The following TMEM74 variants were observed in gnomAD, a reference collection of about 807,000 sequenced individuals.
TMEM74 encodes transmembrane protein 74.
In TMEM74, 13 loss-of-function variants were observed where a neutral mutation model predicts 18.1. The observed-to-expected ratio is 0.72, with a 90% confidence interval of 0.47 to 1.14. The LOEUF (loss-of-function observed/expected upper bound fraction) is 1.14. Ranked by LOEUF, TMEM74 falls within the 50% of genes most tolerant of loss-of-function variation. The pLI, the probability that TMEM74 is intolerant of heterozygous loss-of-function variation, is 0.00. For missense variants in TMEM74, 372 were observed against 375.9 expected (o/e 0.99, Z 0.09); for synonymous variants, 159 against 146.6 (o/e 1.08, Z -0.61).
At chr8:108,660,195 C>A (rs531539745) in intron 1 of TMEM74, among the ~76,000 whole-genome samples, 2 of 152,302 alleles carry the variant, frequency 1.3e-5, no homozygotes, top group South Asian at 4.1e-4. Flanking sequence ...CCCACTCATT[C>A]ACCAGTCATC....
At chr8:108,640,600 A>T (rs533224575) in intron 2 of TMEM74, among the ~76,000 whole-genome samples, 1 of 152,084 alleles carries the variant, frequency 6.6e-6, no homozygotes, top group African/African-American at 2.4e-5. Context: ...ATATTTACTT[A>T]TTTCAGGCTC....
chr8:108,762,936 C>CTTTG, intron 1 of TMEM74, among the ~76,000 whole-genome samples: 1 of 152,200 alleles, frequency 6.6e-6, no homozygotes, highest in East Asian at 1.9e-4. Flanking sequence ...TCTAGTTTTG[C>CTTTG]TTTGTTTACC....
chr8:108,612,887 C>T (rs1324860384), intron 2 of TMEM74, among the ~76,000 whole-genome samples: 1 of 152,096 alleles, frequency 6.6e-6, no homozygotes, highest in African/African-American at 2.4e-5. Context: ...TGAATTATGC[C>T]TCATTGGCAT....
intron 1 of TMEM74, among the ~76,000 whole-genome samples, chr8:108,702,840 C>T (rs1307214338): frequency 1.4e-5 from 2 of 141,714 alleles, no homozygotes; most frequent in Middle Eastern, 4.1e-3. Flanking sequence ...TTGGTAAGCA[C>T]GTTTTTTCTG....
intron 1 of TMEM74, among the ~76,000 whole-genome samples, chr8:108,738,578 G>C (rs747626972): frequency 6.6e-6 from 1 of 152,114 alleles, no homozygotes; most frequent in African/African-American, 2.4e-5. Flanking sequence ...GAAAGCCAGG[G>C]GAGCAAGGGT....
chr8:108,749,863 C>T (rs770195571), intron 1 of TMEM74, among the ~76,000 whole-genome samples: 1 of 152,126 alleles, frequency 6.6e-6, no homozygotes. Flanking sequence ...TTAGTAACCA[C>T]AGATACCTAT....
chr8:108,761,878 T>A (rs1814048775), intron 1 of TMEM74, among the ~76,000 whole-genome samples: 1 of 152,148 alleles, frequency 6.6e-6, no homozygotes, highest in South Asian at 2.1e-4. Flanking sequence ...ACACTGTGAT[T>A]TGCTATCAAG....
At chr8:108,681,045 T>C (rs1026712444) in intron 1 of TMEM74, among the ~76,000 whole-genome samples, 4 of 152,220 alleles carry the variant, frequency 2.6e-5, no homozygotes, top group African/African-American at 9.6e-5. Context: ...GAGCATTCCA[T>C]GCTCATGGGT....
intron 1 of TMEM74, among the ~76,000 whole-genome samples, chr8:108,699,747 A>G (rs988955189): frequency 6.6e-6 from 1 of 152,118 alleles, no homozygotes; most frequent in African/African-American, 2.4e-5. Flanking sequence ...GGTTGATCCT[A>G]AACTGTCCTT....
intron 2 of TMEM74, among the ~76,000 whole-genome samples, chr8:108,650,181 C>T (rs1387898103): frequency 6.6e-6 from 1 of 152,188 alleles, no homozygotes; most frequent in African/African-American, 2.4e-5. Flanking sequence ...GTCCCATCAT[C>T]TTCCCCATGC....
chr8:108,786,972 G>C (rs575338460), intron 1 of TMEM74, among the ~76,000 whole-genome samples: 3 of 152,232 alleles, frequency 2.0e-5, no homozygotes, highest in Admixed American at 6.5e-5. Flanking sequence ...GATTTCCTTT[G>C]CAGCTCCCTA....
intron 1 of TMEM74, among the ~76,000 whole-genome samples, chr8:108,689,812 A>G (rs1813206952): frequency 6.6e-6 from 1 of 152,094 alleles, no homozygotes; most frequent in Admixed American, 6.5e-5. Flanking sequence ...TGGCAAAGTG[A>G]CTTTGTCATT....
chr8:108,682,238 G>A (rs983629494), intron 1 of TMEM74, among the ~76,000 whole-genome samples: 2 of 151,866 alleles, frequency 1.3e-5, no homozygotes, highest in African/African-American at 4.8e-5. Flanking sequence ...AGCAATCCCG[G>A]ATCATTCTCA....
intron 1 of TMEM74, among the ~76,000 whole-genome samples, chr8:108,732,070 C>G (rs1207281674): frequency 6.6e-6 from 1 of 152,150 alleles, no homozygotes; most frequent in Non-Finnish European, 1.5e-5. Flanking sequence ...AATTCCTGTA[C>G]ATGCAGTTCT....
chr8:108,673,943 T>G (rs1016371828), intron 1 of TMEM74, among the ~76,000 whole-genome samples: 2 of 152,208 alleles, frequency 1.3e-5, no homozygotes, highest in African/African-American at 4.8e-5. Context: ...TGTTTATGAA[T>G]GGGTTCAAAC....
At chr8:108,628,695 G>A (rs548052972) in intron 2 of TMEM74, among the ~76,000 whole-genome samples, 1 of 151,994 alleles carries the variant, frequency 6.6e-6, no homozygotes, top group Non-Finnish European at 1.5e-5. Context: ...CTAGATCCTT[G>A]AGAAATTGCC....
At chr8:108,767,019 T>C (rs982696513) in intron 1 of TMEM74, among the ~76,000 whole-genome samples, 12 of 152,284 alleles carry the variant, frequency 7.9e-5, no homozygotes, top group African/African-American at 2.4e-4. Context: ...CCCACCCAGA[T>C]TGAGGGTAGG....
At chr8:108,612,230 G>A (rs1173253139) in intron 2 of TMEM74, among the ~76,000 whole-genome samples, 1 of 151,470 alleles carries the variant, frequency 6.6e-6, no homozygotes, top group African/African-American at 2.4e-5. Context: ...TTATTTCTAT[G>A]TTAAAAAAAA....
intron 1 of TMEM74, among the ~76,000 whole-genome samples, chr8:108,747,420 T>C (rs1813859690): frequency 6.6e-6 from 1 of 151,802 alleles, no homozygotes; most frequent in Admixed American, 6.6e-5. Flanking sequence ...AAAGGTGAAA[T>C]GTGGGAGTTA....
Sources: allele counts gnomAD v4.1 joint callset (sites outside exome capture counted in the v4.1 genomes callset), GRCh38; gene constraint gnomAD v4.1.1; transcripts MANE v1.5; gene names NCBI Gene and HGNC (gene_info 2026-07-23, HGNC 2026-07-21).